Variants in TJP1 observed in about 807,000 individuals in gnomAD.
TJP1 encodes the protein tight junction protein ZO-1.
TJP1 carries 43 observed loss-of-function variants against 194.2 expected under a neutral mutation model. The observed-to-expected ratio is 0.22, with a 90% CI of 0.17 to 0.29. TJP1 has a LOEUF of 0.29. TJP1 is among the 10% of genes least tolerant of loss of function. The pLI, the probability that TJP1 is intolerant of heterozygous loss-of-function variation, is 1.00. For missense variants in TJP1, 1,971 were observed against 2,185.7 expected, an observed-to-expected ratio of 0.90 and a Z score of 1.96; for synonymous variants, 801 against 779.0, an observed-to-expected ratio of 1.03 and a Z score of -0.47.
At chr15:29,930,434 A>G (rs140472740) in intron 2 of TJP1, among the ~76,000 whole-genome samples, 33 of 152,374 alleles carry the variant, frequency 2.2e-4, no homozygotes, top group African/African-American at 7.5e-4. Flanking sequence ...ATACTTTAGT[A>G]TGATTATTTA....
chr15:29,940,394 A>T (rs2055029059), intron 2 of TJP1, among the ~76,000 whole-genome samples: 1 of 152,190 alleles, frequency 6.6e-6, no homozygotes, highest in Admixed American at 6.5e-5. Flanking sequence ...TTACCCAAAA[A>T]AGAACATGTG....
intron 11 of TJP1, among the ~76,000 whole-genome samples, chr15:29,736,659 A>AT (rs2044053899): frequency 1.3e-5 from 2 of 152,336 alleles, no homozygotes; most frequent in Admixed American, 1.3e-4. Context: ...GGAGGACTCT[A>AT]TAGACTCTAC....
intron 2 of TJP1, among the ~76,000 whole-genome samples, chr15:29,795,580 G>C (rs1484800041): frequency 6.6e-6 from 1 of 151,956 alleles, no homozygotes; most frequent in Non-Finnish European, 1.5e-5. Flanking sequence ...CTCTACTAGT[G>C]AATTCTAACA....
chr15:29,795,560 C>G (rs1017693751), intron 2 of TJP1, among the ~76,000 whole-genome samples: 1 of 151,946 alleles, frequency 6.6e-6, no homozygotes, highest in Admixed American at 6.6e-5. Flanking sequence ...AAAACTCTAG[C>G]ACCAGGTAAC....
intron 8 of TJP1, among the ~76,000 whole-genome samples, chr15:29,749,109 C>T (rs527810920): frequency 6.0e-5 from 9 of 150,400 alleles, no homozygotes; most frequent in Admixed American, 2.0e-4. Context: ...CTTATGGGCA[C>T]TTTTGCTTTT....
chr15:29,748,031 T>C (rs548582586), intron 8 of TJP1, among the ~76,000 whole-genome samples: 2 of 152,218 alleles, frequency 1.3e-5, no homozygotes, highest in South Asian at 4.1e-4. Flanking sequence ...ATTTCCATTA[T>C]CTACCAAAAG....
intron 2 of TJP1, among the ~76,000 whole-genome samples, chr15:29,854,474 G>A (rs529637792): frequency 6.1e-4 from 93 of 152,240 alleles, no homozygotes; most frequent in Non-Finnish European, 1.1e-3. Context: ...AGAGGGGAAC[G>A]TGATGTGAAG....
At chr15:29,760,835 GTAAA>G (rs1197654506) in intron 8 of TJP1, among the ~76,000 whole-genome samples, 1 of 152,184 alleles carries the variant, frequency 6.6e-6, no homozygotes, top group Admixed American at 6.5e-5. Context: ...AACCGCTTTT[GTAAA>G]TAAAGTTTTA....
intron 10 of TJP1, among the ~76,000 whole-genome samples, chr15:29,740,275 C>T (rs1490807620): frequency 6.6e-6 from 1 of 151,996 alleles, no homozygotes; most frequent in South Asian, 2.1e-4. Flanking sequence ...GCGCCCGGCC[C>T]GGAATTCTGT....
At chr15:29,783,125 T>C (rs527898538) in intron 2 of TJP1, among the ~76,000 whole-genome samples, 3 of 151,958 alleles carry the variant, frequency 2.0e-5, no homozygotes, top group Admixed American at 6.6e-5. Flanking sequence ...AGTACAAAAA[T>C]TAGCCAGGCG....
intron 1 of TJP1, chr15:29,821,437 G>T (rs2050337433): frequency 6.6e-6 from 1 of 152,198 alleles, no homozygotes; most frequent in Admixed American, 6.5e-5. Flanking sequence ...AATACAGCAT[G>T]AAAGAAAACC....
Position 29,764,828 on chromosome 15 carries a change from T to C in TJP1, c.589+1438A>G, listed in dbSNP as rs1179965689. On this transcript the variant is annotated intron_variant, in intron 5 of 27. Coordinates refer to ENST00000614355, the MANE Select transcript of TJP1 (RefSeq NM_001330239.4). ...ACATCTAAGTGAATATGCCTAACAGTTGGAACACAAGAGTGTAAAGATTTG... is the reference window on the plus strand; with the variant it reads ...ACATCTAAGTGAATATGCCTAACAGCTGGAACACAAGAGTGTAAAGATTTG... 2.6e-5 allele frequency among the ~76,000 whole-genome samples: 4 copies of C among 152,106 alleles called. No individual in the cohort carries two copies. The East Asian group carries it at 7.7e-4, about 29-fold the overall frequency.
At chr15:29,904,508 T>C (rs1033952243) in intron 2 of TJP1, among the ~76,000 whole-genome samples, 2 of 151,262 alleles carry the variant, frequency 1.3e-5, no homozygotes, top group Non-Finnish European at 2.9e-5. Flanking sequence ...GTAGTCAAGA[T>C]ACATCATTCA....
intron 18 of TJP1, among the ~76,000 whole-genome samples, chr15:29,725,353 A>G (rs1595642447): frequency 6.6e-6 from 1 of 152,172 alleles, no homozygotes; most frequent in East Asian, 1.9e-4. Flanking sequence ...GAGGCTGTGT[A>G]TGTCTGGGTA....
At chr15:29,741,220 T>C in intron 10 of TJP1, 111 bp downstream of exon 10, 1 of 715,714 alleles carries the variant, frequency 1.4e-6, no homozygotes, top group Non-Finnish European at 2.4e-6. Context: ...TAGTATTAGG[T>C]GGTATGTACT....
chr15:29,833,661 T>C (rs1021026120), intron 2 of TJP1, among the ~76,000 whole-genome samples: 1 of 151,556 alleles, frequency 6.6e-6, no homozygotes, highest in African/African-American at 2.4e-5. Flanking sequence ...CCAAAATTGC[T>C]AGGATTACAG....
intron 18 of TJP1, among the ~76,000 whole-genome samples, chr15:29,724,892 A>G (rs2043149656): frequency 1.3e-5 from 2 of 152,220 alleles, no homozygotes; most frequent in East Asian, 1.9e-4. Context: ...ACACAAGACT[A>G]TCACTAAAAT....
At chr15:29,714,086 G>A (rs988787987) in intron 23 of TJP1, among the ~76,000 whole-genome samples, 10 of 152,028 alleles carry the variant, frequency 6.6e-5, no homozygotes, top group African/African-American at 2.4e-4. Context: ...AACAATTACT[G>A]AGCCCCTACT....
At chr15:29,712,748 CAA>C (rs2042315783) in intron 23 of TJP1, among the ~76,000 whole-genome samples, 1 of 147,308 alleles carries the variant, frequency 6.8e-6, no homozygotes, top group Admixed American at 6.8e-5. Flanking sequence ...TTTATCAAAT[CAA>C]AGAGTGGTGA....
Sources: allele counts gnomAD v4.1 joint callset (sites outside exome capture counted in the v4.1 genomes callset), GRCh38; gene constraint gnomAD v4.1.1; transcripts MANE v1.5; gene names NCBI Gene and HGNC (gene_info 2026-07-23, HGNC 2026-07-21).